Variants in PTPRT observed in about 807,000 individuals in gnomAD.
The protein encoded by PTPRT is receptor-type tyrosine-protein phosphatase T.
A neutral mutation model predicts 176.8 loss-of-function variants in PTPRT; 56 were observed. The observed-to-expected ratio is 0.32, with a 90% CI of 0.26 to 0.40. The LOEUF (loss-of-function observed/expected upper bound fraction) is 0.40, where lower values mean the gene tolerates loss of function less well. Ranked by LOEUF, PTPRT falls within the 10% of genes least tolerant of loss-of-function variation. The pLI, the probability that PTPRT is intolerant of heterozygous loss-of-function variation, is 1.00. For missense variants in PTPRT, 1,540 were observed against 1,908.2 expected, an observed-to-expected ratio of 0.81 and a Z score of 3.60; for synonymous variants, 783 against 739.0, an observed-to-expected ratio of 1.06 and a Z score of -0.96.
intron 12 of PTPRT, among the ~76,000 whole-genome samples, chr20:42,292,417 C>G (rs1055837217): frequency 6.6e-6 from 1 of 151,950 alleles, no homozygotes; most frequent in African/African-American, 2.4e-5. Context: ...ATTGCAACCT[C>G]TGCCTCTTGG....
chr20:42,780,382 T>C (rs2077197945), intron 3 of PTPRT, 83 bp from the exon 4 acceptor site: 1 of 1,079,402 alleles, frequency 9.3e-7, no homozygotes, highest in African/African-American at 1.5e-5. Context: ...CCCAGCCCTT[T>C]ATGTTTCAAC....
At chr20:42,786,371 G>A (rs991097817) in intron 3 of PTPRT, among the ~76,000 whole-genome samples, 2 of 152,172 alleles carry the variant, frequency 1.3e-5, no homozygotes, top group African/African-American at 4.8e-5. Context: ...ATGATGACAG[G>A]ATACAGCTAA....
chr20:42,476,740 G>C (rs147055561), intron 7 of PTPRT, among the ~76,000 whole-genome samples: 91 of 152,244 alleles, frequency 6.0e-4, no homozygotes, highest in African/African-American at 1.6e-3. Context: ...AAAGACAATG[G>C]CTATTAAGTA....
At chr20:42,582,841 G>C (rs1431865721) in intron 7 of PTPRT, among the ~76,000 whole-genome samples, 3 of 152,098 alleles carry the variant, frequency 2.0e-5, no homozygotes, top group Non-Finnish European at 4.4e-5. Context: ...CTACAGATTT[G>C]AGCCCCAAAT....
chr20:42,890,295 A>C (rs2079171075), intron 1 of PTPRT, among the ~76,000 whole-genome samples: 1 of 152,274 alleles, frequency 6.6e-6, no homozygotes, highest in South Asian at 2.1e-4. Flanking sequence ...AACTTTTATG[A>C]GTTTTCTGTC....
chr20:42,986,918 C>A (rs1600624314), intron 1 of PTPRT, among the ~76,000 whole-genome samples: 1 of 152,152 alleles, frequency 6.6e-6, no homozygotes. Context: ...ACTAACCCAT[C>A]CATCCTTTGC....
chr20:42,826,532 T>G (rs756115801), intron 2 of PTPRT, among the ~76,000 whole-genome samples: 1 of 152,186 alleles, frequency 6.6e-6, no homozygotes, highest in African/African-American at 2.4e-5. Context: ...AGGGGAAAAG[T>G]GCAGGTAGAA....
intron 4 of PTPRT, among the ~76,000 whole-genome samples, chr20:42,773,100 G>A (rs1419943820): frequency 6.6e-6 from 1 of 152,192 alleles, no homozygotes. Context: ...AGACTCCAGG[G>A]TCTGCAGAAG....
chr20:42,474,725 G>A (rs1476962321), intron 7 of PTPRT, among the ~76,000 whole-genome samples: 1 of 152,198 alleles, frequency 6.6e-6, no homozygotes, highest in East Asian at 1.9e-4. Flanking sequence ...TGCAATGAGA[G>A]CAGATGTACA....
At position 42,141,995 on chromosome 20, in the gene PTPRT, G is replaced by C; in HGVS notation, c.2690C>G (p.Pro897Arg). 1 of 1,613,932 alleles carries C rather than the reference G, an allele frequency of 6.2e-7. No homozygotes were observed. The highest frequency in any genetic ancestry group is 1.3e-5 in the African/African-American group (1 of 75,038). The change falls in exon 18 of 31, where the codon CCA becomes CGA. Residue 897 changes from proline (P) to arginine (R), a missense_variant. Physicochemically the swap from Pro to Arg is moderately radical, Grantham distance 103. Transcript: ENST00000373187. ...YGFKEEYEALPEGQTASWDTA... is the reference protein window; with the variant it reads ...YGFKEEYEALREGQTASWDTA... Reference sequence around the variant, plus strand: ...GTCCCACGAAGCTGTCTGCCCCTCTGGTAAGGCCTAAAAAGCAAGGACAGA... The same window carrying C: ...GTCCCACGAAGCTGTCTGCCCCTCTCGTAAGGCCTAAAAAGCAAGGACAGA...
At position 42,988,236 on chromosome 20, in the gene PTPRT, G is replaced by C. The variant is rs568445646; in HGVS notation, c.89-102304C>G. Among the ~76,000 whole-genome samples, 9 of 152,250 alleles carry C rather than the reference G, an allele frequency of 5.9e-5. No individual in the cohort carries two copies. The South Asian group carries it at 1.9e-3, about 32-fold the overall frequency. On this transcript the variant is annotated intron_variant, in intron 1 of 30. Coordinates refer to ENST00000373187, the MANE Select transcript of PTPRT (RefSeq NM_007050.6). ...GTCAATGTTACCAAAACAAAGAATG[G>C]CAGCCTTCTCATCAGAGGGGCCTCA...
intron 11 of PTPRT, among the ~76,000 whole-genome samples, chr20:42,326,749 C>G (rs2057888438): frequency 6.6e-6 from 1 of 152,030 alleles, no homozygotes; most frequent in African/African-American, 2.4e-5. Context: ...GACAGAAAGG[C>G]TGAAATCCTG....
chr20:42,126,763 G>A (rs1397263901), intron 19 of PTPRT, among the ~76,000 whole-genome samples: 1 of 152,208 alleles, frequency 6.6e-6, no homozygotes, highest in African/African-American at 2.4e-5. Flanking sequence ...CCCATACACA[G>A]TGGAGGGTCT....
rs529942658 is a variant in PTPRT at position 42,673,130 on chromosome 20, C to T, written c.1153+4736G>A. ...AGGAGGTCCCCAGGGCTGAAGACTCCATCAAGTCCTGTGGTGAAGAGTTTC... is the reference window on the plus strand; with the variant it reads ...AGGAGGTCCCCAGGGCTGAAGACTCTATCAAGTCCTGTGGTGAAGAGTTTC... On this transcript the variant is annotated intron_variant, in intron 7 of 30. Transcript: ENST00000373187. Among the ~76,000 whole-genome samples the T allele has an allele frequency of 1.5e-4, 23 of 152,294 alleles. No homozygotes were observed. In the South Asian group the frequency reaches 4.8e-3, roughly 32 times the overall value.
the PTPRT span, among the ~76,000 whole-genome samples, chr20:42,036,954 G>A: frequency 3.7e-3 from 561 of 152,318 alleles, 2 homozygotes; most frequent in Middle Eastern, 6.8e-3. Flanking sequence ...TTTTGGTGTA[G>A]TTAAGAATCA....
chr20:42,196,558 A>G (rs1300683808), intron 16 of PTPRT, among the ~76,000 whole-genome samples: 4 of 152,232 alleles, frequency 2.6e-5, no homozygotes, highest in Non-Finnish European at 5.9e-5. Context: ...ATAGAACATT[A>G]GAACTTATTC....
intron 5 of PTPRT, among the ~76,000 whole-genome samples, chr20:42,761,954 G>A (rs972648896): frequency 6.6e-6 from 1 of 152,190 alleles, no homozygotes; most frequent in Non-Finnish European, 1.5e-5. Flanking sequence ...TGAAAGGAGG[G>A]TAGAGAGTGC....
At chr20:42,039,648 G>T in the PTPRT span, among the ~76,000 whole-genome samples, 2 of 131,688 alleles carry the variant, frequency 1.5e-5, no homozygotes, top group African/African-American at 5.4e-5. Context: ...TATTTCAAAT[G>T]ATGAGATTTC....
At chr20:42,918,723 G>A (rs930789085) in intron 1 of PTPRT, among the ~76,000 whole-genome samples, 1 of 152,114 alleles carries the variant, frequency 6.6e-6, no homozygotes, top group Non-Finnish European at 1.5e-5. Flanking sequence ...ACTTTCATTT[G>A]AGAGTTCAAC....
Sources: allele counts gnomAD v4.1 joint callset (sites outside exome capture counted in the v4.1 genomes callset), GRCh38; gene constraint gnomAD v4.1.1; transcripts MANE v1.5; gene names NCBI Gene and HGNC (gene_info 2026-07-23, HGNC 2026-07-21).